The following ABCA12 variants were observed in gnomAD, a reference collection of about 807,000 sequenced individuals.
ABCA12 encodes ATP binding cassette subfamily A member 12.
ABCA12 carries 156 observed loss-of-function variants against 293.5 expected under a neutral mutation model. That is an observed-to-expected ratio of 0.53 (90% CI 0.47 to 0.61). The LOEUF is 0.61. Ranked by LOEUF, ABCA12 falls within the 20% of genes least tolerant of loss-of-function variation. The pLI, the probability that ABCA12 is intolerant of heterozygous loss-of-function variation, is 0.00. For synonymous variants in ABCA12, 1,063 were observed against 1,108.0 expected (o/e 0.96, Z 0.81); for missense variants, 2,797 against 3,090.2 (o/e 0.91, Z 2.25).
At chr2:214,983,580 T>C in intron 29 of ABCA12, 67 bp downstream of exon 29, 7 of 1,408,388 alleles carry the variant, frequency 5.0e-6, no homozygotes, top group Non-Finnish European at 6.0e-6. Context: ...ACCAGAACTT[T>C]ACCAACCAAG....
Position 214,951,024 on chromosome 2 carries a change from T to G in ABCA12, c.6707A>C (p.Asp2236Ala). The G allele has an allele frequency of 6.2e-7, 1 of 1,614,176 alleles. No homozygotes were observed. Among genetic ancestry groups the G allele is most frequent in the Non-Finnish European group, 8.5e-7 (1 of 1,180,024 alleles). ...HVRETIDEDE[D>A]VRAERLRVES... is the part of the protein sequence containing the mutation. Reference sequence around the variant, plus strand: ...AACTCTTAATCTCTCAGCCCGCACATCTTCATCCTCATCTATTGTCTCCCT... The same window carrying G: ...AACTCTTAATCTCTCAGCCCGCACAGCTTCATCCTCATCTATTGTCTCCCT... The change falls in exon 45 of 53, where the codon GAT becomes GCT. Residue 2236 changes from aspartate (D) to alanine (A), a missense_variant. By Grantham distance (126) the Asp-to-Ala change is moderately radical. Transcript: ENST00000272895.
chr2:215,054,823 G>T (rs11897420), intron 3 of ABCA12, among the ~76,000 whole-genome samples, 159 bp from the exon 4 acceptor site: 1 of 152,054 alleles, frequency 6.6e-6, no homozygotes, highest in South Asian at 2.1e-4. Context: ...ACACACCAAT[G>T]AATATATAAG....
intron 2 of ABCA12, among the ~76,000 whole-genome samples, chr2:215,076,494 T>C (rs1362974733): frequency 3.3e-5 from 5 of 152,252 alleles, no homozygotes; most frequent in African/African-American, 1.2e-4. Flanking sequence ...ATCTATCAGA[T>C]TGGCAAAAGT....
At chr2:215,061,385 T>C (rs987016423) in intron 3 of ABCA12, among the ~76,000 whole-genome samples, 1 of 152,022 alleles carries the variant, frequency 6.6e-6, no homozygotes, top group Non-Finnish European at 1.5e-5. Context: ...AGAAGAGCAT[T>C]CTATTAAAAG....
At chr2:215,050,287 T>C (rs536404502) in intron 5 of ABCA12, among the ~76,000 whole-genome samples, 1 of 152,078 alleles carries the variant, frequency 6.6e-6, no homozygotes, top group Non-Finnish European at 1.5e-5. Flanking sequence ...TTTACAGAAG[T>C]GTACAAATAT....
chr2:215,106,295 T>C (rs994935722), intron 2 of ABCA12, among the ~76,000 whole-genome samples: 3 of 152,148 alleles, frequency 2.0e-5, no homozygotes, highest in Non-Finnish European at 4.4e-5. Flanking sequence ...CAATCCTCCT[T>C]CTCACATTTT....
chr2:214,948,878 A>G, intron 46 of ABCA12, 141 bp from the exon 47 acceptor site: 1 of 1,245,962 alleles, frequency 8.0e-7, no homozygotes, highest in Admixed American at 1.9e-5. Context: ...CCACTATCAA[A>G]TTCACATTTA....
At chr2:215,031,054 C>T (rs913960313) in intron 9 of ABCA12, among the ~76,000 whole-genome samples, 2 of 152,158 alleles carry the variant, frequency 1.3e-5, no homozygotes, top group Non-Finnish European at 2.9e-5. Context: ...CAATTAACTA[C>T]CATAAGCAAC....
chr2:215,112,525 G>A (rs1702598949), intron 1 of ABCA12, among the ~76,000 whole-genome samples: 1 of 138,780 alleles, frequency 7.2e-6, no homozygotes, highest in Admixed American at 7.6e-5. Flanking sequence ...TTGAGACAGA[G>A]TCTTGCTCTG....
At chr2:215,070,576 T>C (rs1575023918) in intron 2 of ABCA12, among the ~76,000 whole-genome samples, 1 of 119,890 alleles carries the variant, frequency 8.3e-6, no homozygotes, top group African/African-American at 3.2e-5. Context: ...GATGTTCCCC[T>C]TCCTGTGTCT....
chr2:214,954,092 A>C lies in ABCA12; in HGVS notation c.6409T>G (p.Ser2137Ala), dbSNP rs771347461. The change falls in exon 44 of 53, where the codon TCT becomes GCT. Residue 2137 changes from serine (S) to alanine (A), a missense_variant. Ser to Ala is a moderately conservative substitution (Grantham distance 99). Coordinates refer to ENST00000272895, the MANE Select transcript of ABCA12 (RefSeq NM_173076.3). ...KPNDPTLELI[S>A]ETLKRIFLIF... Reference sequence around the variant, plus strand: ...AGGAAAATGCGCTTGAGGGTTTCAGAAATAAGTTCTAAAGTCTGAAATAAG... The same window carrying C: ...AGGAAAATGCGCTTGAGGGTTTCAGCAATAAGTTCTAAAGTCTGAAATAAG... The C allele has an allele frequency of 5.6e-6, 9 of 1,613,758 alleles. No homozygotes were observed. The African/African-American group carries it at 1.1e-4, about 19-fold the overall frequency.
intron 6 of ABCA12, among the ~76,000 whole-genome samples, chr2:215,046,254 A>G (rs1035001721): frequency 1.3e-5 from 2 of 151,960 alleles, no homozygotes; most frequent in African/African-American, 4.8e-5. Context: ...TGGTTAACAA[A>G]GCTGTATTTA....
chr2:215,075,869 T>C (rs781191944), intron 2 of ABCA12: 1 of 382,108 alleles, frequency 2.6e-6, no homozygotes, highest in Non-Finnish European at 4.6e-6. Flanking sequence ...GCTGGGATCA[T>C]TGTATGGAAA....
intron 2 of ABCA12, among the ~76,000 whole-genome samples, chr2:215,099,176 ACT>A (rs886544263): frequency 6.6e-6 from 1 of 152,180 alleles, no homozygotes; most frequent in Non-Finnish European, 1.5e-5. Flanking sequence ...AAAGCCAGCC[ACT>A]CTGTCTTGAG....
At chr2:215,084,923 G>A (rs963100907) in intron 2 of ABCA12, among the ~76,000 whole-genome samples, 17 of 151,438 alleles carry the variant, frequency 1.1e-4, no homozygotes, top group South Asian at 8.3e-4. Flanking sequence ...GTGAAACCCC[G>A]TCTCTACTAA....
At chr2:214,936,039 G>A (rs1203303636) in intron 51 of ABCA12, among the ~76,000 whole-genome samples, 1 of 152,114 alleles carries the variant, frequency 6.6e-6, no homozygotes, top group African/African-American at 2.4e-5. Flanking sequence ...AGATGTTACT[G>A]TAGTAGTACT....
chr2:215,131,786 T>C (rs1347413180), intron 1 of ABCA12, among the ~76,000 whole-genome samples: 1 of 151,300 alleles, frequency 6.6e-6, no homozygotes, highest in African/African-American at 2.4e-5. Context: ...AGCTTTTATT[T>C]TATTTTGCTC....
chr2:215,085,385 T>A (rs887801691), intron 2 of ABCA12: 1 of 152,206 alleles, frequency 6.6e-6, no homozygotes, highest in Non-Finnish European at 1.5e-5. Context: ...GTTCCAACTC[T>A]ACCACCCTAA....
chr2:215,039,759 A>AAAAT (rs79648313), intron 7 of ABCA12, among the ~76,000 whole-genome samples: 16,746 of 151,098 alleles, frequency 0.11, 1,235 homozygotes, highest in East Asian at 0.29. Context: ...CTTCTCACAA[A>AAAAT]AAATAAATAA....
Sources: allele counts gnomAD v4.1 joint callset (sites outside exome capture counted in the v4.1 genomes callset), GRCh38; gene constraint gnomAD v4.1.1; transcripts MANE v1.5; gene names NCBI Gene and HGNC (gene_info 2026-07-23, HGNC 2026-07-21).